KRT74: variants seen among roughly 807,000 people sequenced by gnomAD.
The protein encoded by KRT74 is keratin, type II cytoskeletal 74.
In KRT74, 43 loss-of-function variants were observed where a neutral mutation model predicts 42.7. The observed-to-expected ratio is 1.01, with a 90% CI of 0.79 to 1.30. The LOEUF (loss-of-function observed/expected upper bound fraction) is 1.30, where lower values mean the gene tolerates loss of function less well. Among genes scored for constraint, KRT74 ranks in the 50% most tolerant of loss-of-function variants. The pLI is 0.00. For missense variants in KRT74, 736 were observed against 689.1 expected, an observed-to-expected ratio of 1.07 and a Z score of -0.76; for synonymous variants, 302 against 279.0, an observed-to-expected ratio of 1.08 and a Z score of -0.82.
chr12:52,568,056 A>T, intron 7 of KRT74, 113 bp downstream of exon 7: 1 of 1,268,026 alleles, frequency 7.9e-7, no homozygotes, highest in Admixed American at 1.9e-5. Context: ...TCACGAAATC[A>T]CCACATCTCT....
At chr12:52,572,760 T>C (rs1021465431) in intron 1 of KRT74, 93 bp from the exon 2 acceptor site, 9 of 1,182,714 alleles carry the variant, frequency 7.6e-6, no homozygotes, top group Non-Finnish European at 1.0e-5. Context: ...TGCCATAGAT[T>C]GTTGTAGTCA....
rs758537675 is a variant in KRT74, at chr12:52,568,293, G to C, written c.1231C>G (p.Leu411Val). The change falls in exon 7 of 9, where the codon CTG (leucine) becomes GTG (valine). Residue 411 changes from leucine (L) to valine (V), a missense_variant. Coordinates refer to ENST00000305620, the MANE Select transcript of KRT74 (RefSeq NM_175053.4). ...GCCAGCTCCTCCTTGGCCTGGTGCA[G>C]GGCGCCCTCCAGCTCATCCAGCTTG... ...QAKLDELEGA[L>V]HQAKEELARM... is the part of the protein sequence containing the mutation. The C allele has an allele frequency of 1.2e-6, 2 of 1,614,192 alleles. No homozygotes were observed. The highest frequency in any genetic ancestry group is 1.7e-6 in the Non-Finnish European group (2 of 1,180,040).
intron 6 of KRT74, chr12:52,569,385 C>A (rs7972909): frequency 0.16 from 75,528 of 464,446 alleles, 6,629 homozygotes; most frequent in Non-Finnish European, 0.18. Flanking sequence ...AGAGCAGGAA[C>A]CTGGTGTGGC....
In KRT74 at chr12:52,566,994, A is replaced by G. The variant is rs1939392081; in HGVS notation, c.1565T>C (p.Ile522Thr). The change falls in exon 9 of 9, where the codon ATC becomes ACC. Residue 522 changes from isoleucine to threonine, a missense_variant. Coordinates refer to ENST00000305620, the MANE Select transcript of KRT74 (RefSeq NM_175053.4). Reference protein sequence around the residue: ...DTQGKSTPASIPARKATR With the variant: ...DTQGKSTPASTPARKATR ...CTAGCGGGTGGCTTTCCTTGCTGGG[A>G]TGCTGGCTGGGGTGCTCTTGCCCTG... 2 of 1,609,702 alleles carry G rather than the reference A, an allele frequency of 1.2e-6. No individual in the cohort carries two copies. Among genetic ancestry groups the G allele is most frequent in the East Asian group, 4.5e-5 (2 of 44,804 alleles).
In KRT74 at chr12:52,571,484, A is replaced by G. The variant is rs200880503; in HGVS notation, c.748-30T>C. On this transcript the variant is annotated intron_variant, in intron 3 of 8. Coordinates refer to ENST00000305620, the MANE Select transcript of KRT74 (RefSeq NM_175053.4). The stretch of plus-strand genomic sequence containing the variant: ...CAAGAGGCCCCAGAGTCATTGGGGG[A>G]TGCAACCCTCATCCCACAGCTGCCC... 6.6e-6 allele frequency: 10 copies of G among 1,515,732 alleles called. No homozygotes were observed. The East Asian group carries it at 2.3e-4, about 34-fold the overall frequency. 93.9% of individuals were successfully genotyped at this position (1,515,732 alleles called of 1,614,324 possible). A position where few individuals can be genotyped will look rare whatever the true frequency, so the allele number is the denominator to read the frequency against.
chr12:52,571,887 G>T, intron 3 of KRT74, 57 bp downstream of exon 3: 3 of 1,177,314 alleles, frequency 2.5e-6, no homozygotes, highest in South Asian at 1.2e-5. Context: ...GTCCTGAGCA[G>T]AGTTGTTAAG....
rs1388990357 is a variant in KRT74 at position 52,566,829 on chromosome 12, G to C, written c.*140C>G. The C allele has an allele frequency of 1.4e-5, 9 of 637,582 alleles. No homozygotes were observed. Among genetic ancestry groups the C allele is most frequent in the Non-Finnish European group, 2.1e-5 (8 of 378,222 alleles). 39.5% of individuals were successfully genotyped at this position (637,582 alleles called of 1,614,324 possible). ...TGTCAATCAGAGCTTGAAAGTAAAA[G>C]CTAAACCACGATGCAGACAGTTGAG... On this transcript the variant is annotated 3_prime_UTR_variant, in exon 9 of 9. Transcript: ENST00000305620.
At chr12:52,569,259 C>T (rs944329739) in intron 6 of KRT74, among the ~76,000 whole-genome samples, 1 of 143,968 alleles carries the variant, frequency 6.9e-6, no homozygotes, top group Non-Finnish European at 1.5e-5. Flanking sequence ...ACAGGCCCCC[C>T]ACCCCCACCC....
Position 52,571,441 on chromosome 12 carries a change from G to T in KRT74, c.761C>A (p.Ala254Asp), listed in dbSNP as rs770197753. 2 of 1,613,458 alleles carry T rather than the reference G, an allele frequency of 1.2e-6. No individual in the cohort carries two copies. The highest frequency in any genetic ancestry group is 2.7e-5 in the African/African-American group (2 of 74,990). ...CTGAAGCTCCACCTTGACTGCGTAG[G>T]CTGCATCTGCATCCTGCCAAGAGGC... ...FVVLKKDADA[A>D]YAVKVELQAK... Residue 254 changes from alanine to aspartate, a missense_variant, in exon 4 of 9, where the codon GCC becomes GAC. Transcript: ENST00000305620.
intron 2 of KRT74, 132 bp from the exon 3 acceptor site, chr12:52,572,136 G>T: frequency 1.3e-6 from 1 of 778,980 alleles, no homozygotes; most frequent in Non-Finnish European, 2.3e-6. Flanking sequence ...GCTAGTGACA[G>T]GAGTAAGATA....
At position 52,566,181 on chromosome 12, in the gene KRT74, A is replaced by C. The variant is rs534395067; in HGVS notation, c.*788T>G. ...TGTGTCGGCCAGGCCTGACTCTGGC[A>C]CATAGGTGGGTGACTGGGGCCAGTT... On this transcript the variant is annotated 3_prime_UTR_variant, in exon 9 of 9. Transcript: ENST00000305620. 1 of 152,364 alleles carries C rather than the reference A, an allele frequency of 6.6e-6. No individual in the cohort carries two copies. Among genetic ancestry groups the C allele is most frequent in the South Asian group, 2.1e-4 (1 of 4,828 alleles). 9.4% of individuals were successfully genotyped at this position (152,364 alleles called of 1,614,324 possible).
intron 4 of KRT74, 111 bp from the exon 5 acceptor site, chr12:52,570,944 G>A: frequency 8.0e-7 from 1 of 1,244,108 alleles, no homozygotes; most frequent in African/African-American, 1.5e-5. Flanking sequence ...GATCCACGGG[G>A]ACAAAGTAGG....
chr12:52,567,764 G>C (rs544276330), intron 7 of KRT74, 71 bp from the exon 8 acceptor site: 57 of 1,076,656 alleles, frequency 5.3e-5, no homozygotes, highest in Non-Finnish European at 7.7e-5. Context: ...ATGGGCTCCT[G>C]CTTTTATACG....
rs1200587247 is a variant in KRT74 at position 52,566,340 on chromosome 12, T to C, written c.*629A>G. On this transcript the variant is annotated 3_prime_UTR_variant, in exon 9 of 9. Transcript: ENST00000305620. ...CTAGTAGGTGCTTGACAAATGATGG[T>C]AGCTATTGCTGATAATGAAGGAGGT... 1 of 152,096 alleles carries C rather than the reference T, an allele frequency of 6.6e-6. No homozygotes were observed. Among genetic ancestry groups the C allele is most frequent in the African/African-American group, 2.4e-5 (1 of 41,390 alleles). The allele number at this position is 152,096 out of a possible 1,614,324, so 9.4% of individuals were successfully genotyped here. A position where few individuals can be genotyped will look rare whatever the true frequency, so the allele number is the denominator to read the frequency against.
rs142973048 is a variant in KRT74 at position 52,573,388 on chromosome 12, G to A, written c.390C>T (p.Asp130=). 11 of 1,614,070 alleles carry A rather than the reference G, an allele frequency of 6.8e-6. No homozygotes were observed. In the African/African-American group the frequency reaches 1.5e-4, roughly 22 times the overall value. The change falls in exon 1 of 9, where the codon GAC becomes GAT. Residue 130 remains aspartate, a synonymous_variant. Transcript: ENST00000305620. The part of the protein sequence containing the change: ...SLLAPLNVEL[D]PEIQKVRAQE... ...GGGCGCGCACCTTCTGGATCTCAGG[G>A]TCCAGCTCCACGTTGAGGGGGGCCA...
intron 1 of KRT74, 85 bp downstream of exon 1, chr12:52,573,222 G>T: frequency 7.4e-7 from 1 of 1,345,432 alleles, no homozygotes; most frequent in East Asian, 2.3e-5. Context: ...CACCTTTCCA[G>T]CCACAGTGTG....
At position 52,573,245 on chromosome 12, in the gene KRT74, A is replaced by C. The variant is rs976171578; in HGVS notation, c.471+62T>G. On this transcript the variant is annotated intron_variant, in intron 1 of 8. Transcript: ENST00000305620. ...CAGCCACAGTGTGCAGTCCATTCCCAGGCAGCAGGAAAACTGCTCAGGCCT... is the reference window on the plus strand; with the variant it reads ...CAGCCACAGTGTGCAGTCCATTCCCCGGCAGCAGGAAAACTGCTCAGGCCT... 9.4e-6 allele frequency: 14 copies of C among 1,495,416 alleles called. No homozygotes were observed. The African/African-American group carries it at 1.8e-4, about 19-fold the overall frequency. 92.6% of individuals were successfully genotyped at this position (1,495,416 alleles called of 1,614,324 possible).
intron 4 of KRT74, 94 bp from the exon 5 acceptor site, chr12:52,570,927 C>G: frequency 1.4e-6 from 2 of 1,429,142 alleles, no homozygotes; most frequent in South Asian, 2.3e-5. Context: ...GCCCAATAGG[C>G]TGCTAGGATC....
chr12:52,573,304 C>T lies in KRT74; in HGVS notation c.471+3G>A. On this transcript the variant is annotated splice_donor_region_variant and intron_variant, in intron 1 of 8. Transcript: ENST00000305620. ...GGCCTCATCCTCCTCCTATGAGACCCACCTTGTCAATGAAGGAGGCGAACT... is the reference window on the plus strand; with the variant it reads ...GGCCTCATCCTCCTCCTATGAGACCTACCTTGTCAATGAAGGAGGCGAACT... 6.2e-7 allele frequency: 1 copy of T among 1,613,944 alleles called. No homozygotes were observed.
Sources: allele counts gnomAD v4.1 joint callset (sites outside exome capture counted in the v4.1 genomes callset), GRCh38; gene constraint gnomAD v4.1.1; transcripts MANE v1.5; gene names NCBI Gene and HGNC (gene_info 2026-07-23, HGNC 2026-07-21).